The following PLCB1 variants were observed in gnomAD, a reference collection of about 807,000 sequenced individuals.
PLCB1 encodes 1-phosphatidylinositol 4,5-bisphosphate phosphodiesterase beta-1.
In PLCB1, 46 loss-of-function variants were observed where a neutral mutation model predicts 161.8. The ratio of observed to expected loss-of-function variants is 0.28; its 90% CI spans 0.22 to 0.36. PLCB1 has a LOEUF of 0.36. Among genes scored for constraint, PLCB1 ranks in the 10% least tolerant of loss-of-function variants. PLCB1 has a pLI of 1.00. For synonymous variants in PLCB1, 517 were observed against 503.7 expected (o/e 1.03, Z -0.35); for missense variants, 1,016 against 1,472.5 (o/e 0.69, Z 5.07).
chr20:8,813,459 C>G (rs1033732262), intron 31 of PLCB1, among the ~76,000 whole-genome samples: 1 of 152,088 alleles, frequency 6.6e-6, no homozygotes, highest in African/African-American at 2.4e-5. Flanking sequence ...TAAACTATTT[C>G]ACCACACTCA....
intron 3 of PLCB1, among the ~76,000 whole-genome samples, chr20:8,499,861 G>A (rs1407372642): frequency 3.9e-5 from 6 of 152,088 alleles, no homozygotes; most frequent in Middle Eastern, 6.8e-3. Context: ...CATTGTTTTC[G>A]GTGCAGGGAA....
At chr20:8,447,599 A>G (rs1293714065) in intron 3 of PLCB1, among the ~76,000 whole-genome samples, 1 of 152,182 alleles carries the variant, frequency 6.6e-6, no homozygotes, top group Non-Finnish European at 1.5e-5. Flanking sequence ...GTCCAAGAGG[A>G]GAGAAAATTG....
chr20:8,782,361 A>G (rs564118798), intron 27 of PLCB1, among the ~76,000 whole-genome samples: 7 of 151,932 alleles, frequency 4.6e-5, no homozygotes, highest in Non-Finnish European at 4.4e-5. Context: ...GTCAGGTCAC[A>G]CTCCCATATA....
intron 3 of PLCB1, among the ~76,000 whole-genome samples, chr20:8,408,912 T>G (rs1978908974): frequency 6.6e-6 from 1 of 152,252 alleles, no homozygotes; most frequent in Non-Finnish European, 1.5e-5. Context: ...AGCTATGTAA[T>G]CTTATCAAGG....
At chr20:8,204,338 G>A (rs1261695910) in intron 2 of PLCB1, among the ~76,000 whole-genome samples, 1 of 152,142 alleles carries the variant, frequency 6.6e-6, no homozygotes, top group Non-Finnish European at 1.5e-5. Context: ...TGTTAGTGGT[G>A]TGATCATTCT....
rs373889218 is a variant in PLCB1 at position 8,555,800 on chromosome 20, T to G, written c.247-72494T>G. ...GAAAATTGCTTGACTTGGAGGAGAA[T>G]AGACTATAATTTCCATGTCTGCCCC... On this transcript the variant is annotated intron_variant, in intron 3 of 31. Transcript: ENST00000338037. 6.4e-4 allele frequency among the ~76,000 whole-genome samples: 97 copies of G among 152,218 alleles called. 1 individual carries two copies. In the South Asian group the frequency reaches 0.014, roughly 21 times the overall value.
At chr20:8,740,312 A>G (rs1454816128) in intron 21 of PLCB1, 32 bp from the exon 22 acceptor site, 1 of 1,142,322 alleles carries the variant, frequency 8.8e-7, no homozygotes, top group East Asian at 2.4e-5. Flanking sequence ...GAAAGGAAAT[A>G]TGTGCTACAC....
intron 31 of PLCB1, among the ~76,000 whole-genome samples, chr20:8,829,565 C>T (rs1019708770): frequency 2.0e-5 from 3 of 152,208 alleles, no homozygotes; most frequent in African/African-American, 7.2e-5. Flanking sequence ...GATTTGAAGA[C>T]TTCTCACTGC....
chr20:8,421,184 A>G (rs1368556721), intron 3 of PLCB1, among the ~76,000 whole-genome samples: 1 of 152,218 alleles, frequency 6.6e-6, no homozygotes, highest in Non-Finnish European at 1.5e-5. Flanking sequence ...ATTTGCTTAC[A>G]CAGTTTATAT....
At chr20:8,859,108 T>C (rs1458679644) in intron 31 of PLCB1, among the ~76,000 whole-genome samples, 2 of 152,112 alleles carry the variant, frequency 1.3e-5, no homozygotes, top group African/African-American at 4.8e-5. Context: ...TCCCTCTTCC[T>C]CAAGGTTTCC....
chr20:8,799,308 G>A (rs2146236382), intron 31 of PLCB1, among the ~76,000 whole-genome samples: 1 of 152,262 alleles, frequency 6.6e-6, no homozygotes, highest in Non-Finnish European at 1.5e-5. Context: ...AGCAAACAAT[G>A]ATTTTAACAC....
chr20:8,840,568 G>A (rs1441658907), intron 31 of PLCB1, among the ~76,000 whole-genome samples: 1 of 152,210 alleles, frequency 6.6e-6, no homozygotes, highest in Non-Finnish European at 1.5e-5. Flanking sequence ...AGAACAAGCT[G>A]TGGATTCCCT....
chr20:8,449,989 A>G (rs1201667675), intron 3 of PLCB1, among the ~76,000 whole-genome samples: 1 of 152,228 alleles, frequency 6.6e-6, no homozygotes, highest in East Asian at 1.9e-4. Context: ...CTCTAACTAT[A>G]TAATAGAAGC....
At chr20:8,259,417 G>C (rs1484641884) in intron 2 of PLCB1, among the ~76,000 whole-genome samples, 1 of 151,966 alleles carries the variant, frequency 6.6e-6, no homozygotes, top group Non-Finnish European at 1.5e-5. Context: ...AAGACTTAGA[G>C]ACCAGCCTGG....
chr20:8,184,040 G>A (rs2051875156), intron 2 of PLCB1, among the ~76,000 whole-genome samples: 2 of 152,002 alleles, frequency 1.3e-5, no homozygotes, highest in Non-Finnish European at 2.9e-5. Context: ...TATAAAATTT[G>A]AAGTAATAAT....
intron 2 of PLCB1, among the ~76,000 whole-genome samples, chr20:8,323,660 T>A (rs1204364574): frequency 2.0e-5 from 3 of 152,172 alleles, no homozygotes; most frequent in Non-Finnish European, 4.4e-5. Flanking sequence ...AATCTAGGCT[T>A]CTCTAGGTTA....
In PLCB1 at chr20:8,727,411, A is replaced by T. The variant is rs960536344; in HGVS notation, c.1763+18A>T. On this transcript the variant is annotated intron_variant, in intron 17 of 31. Coordinates refer to ENST00000338037, the MANE Select transcript of PLCB1 (RefSeq NM_015192.4). Reference sequence around the variant, plus strand: ...TTTGTAGAGTATCCTTGATTTGACGAATGACTGCAGAATGAACACAGCTGA... The same window carrying T: ...TTTGTAGAGTATCCTTGATTTGACGTATGACTGCAGAATGAACACAGCTGA... The T allele has an allele frequency of 1.2e-5, 16 of 1,311,912 alleles. No individual in the cohort carries two copies. The highest frequency in any genetic ancestry group is 1.8e-5 in the Non-Finnish European group (16 of 909,056). The allele number at this position is 1,311,912 out of a possible 1,614,324, so 81.3% of individuals were successfully genotyped here.
intron 3 of PLCB1, among the ~76,000 whole-genome samples, chr20:8,609,216 ATTAC>A (rs1255246942): frequency 4.6e-5 from 7 of 152,296 alleles, no homozygotes; most frequent in East Asian, 3.9e-4. Context: ...GGTTTTTGTC[ATTAC>A]TTTCAATGGC....
intron 3 of PLCB1, among the ~76,000 whole-genome samples, chr20:8,474,080 A>G (rs1029227177): frequency 6.6e-6 from 1 of 152,216 alleles, no homozygotes; most frequent in Non-Finnish European, 1.5e-5. Context: ...TAGGGCATCC[A>G]GTTCGTTCCC....
Sources: allele counts gnomAD v4.1 joint callset (sites outside exome capture counted in the v4.1 genomes callset), GRCh38; gene constraint gnomAD v4.1.1; transcripts MANE v1.5; gene names NCBI Gene and HGNC (gene_info 2026-07-23, HGNC 2026-07-21).